The following DNAJB14 variants were observed in gnomAD, a reference collection of about 807,000 sequenced individuals.
DNAJB14 encodes the protein dnaJ homolog subfamily B member 14.
A neutral mutation model predicts 48.4 loss-of-function variants in DNAJB14; 22 were observed. The observed-to-expected ratio is 0.45, with a 90% CI of 0.32 to 0.65. DNAJB14 has a LOEUF of 0.65. Among genes scored for constraint, DNAJB14 ranks in the 30% least tolerant of loss-of-function variants. DNAJB14 has a pLI of 0.03. For synonymous variants in DNAJB14, 142 were observed against 158.7 expected (o/e 0.89, Z 0.79); for missense variants, 319 against 458.8 (o/e 0.70, Z 2.78).
At chr4:99,920,955 T>G (rs1318642626) in intron 3 of DNAJB14, among the ~76,000 whole-genome samples, 1 of 152,214 alleles carries the variant, frequency 6.6e-6, no homozygotes, top group Admixed American at 6.5e-5. Flanking sequence ...AATGGCTTAG[T>G]ATTCCAAAAA....
At chr4:99,923,004 C>T (rs1157899556) in intron 3 of DNAJB14, 36 bp downstream of exon 3, 20 of 1,562,662 alleles carry the variant, frequency 1.3e-5, no homozygotes, top group Non-Finnish European at 1.7e-5. Context: ...ATTCTAAAGA[C>T]AGCTTAGTAA....
rs922168036 is a variant in DNAJB14, at chr4:99,900,205, C to T, written c.*823G>A. ...TTTAGCAGCCCTTCAAGGACATATA[C>T]ATCAAAATTTGGTGGCCTTTAAAGT... On this transcript the variant is annotated 3_prime_UTR_variant, in exon 8 of 8. Coordinates refer to ENST00000442697, the MANE Select transcript of DNAJB14 (RefSeq NM_001031723.4). The T allele has an allele frequency of 6.6e-6, 1 of 152,272 alleles. No individual in the cohort carries two copies. The highest frequency in any genetic ancestry group is 2.1e-4 in the South Asian group (1 of 4,826). 9.4% of individuals were successfully genotyped at this position (152,272 alleles called of 1,614,324 possible). A position where few individuals can be genotyped will look rare whatever the true frequency, so the allele number is the denominator to read the frequency against.
intron 1 of DNAJB14, among the ~76,000 whole-genome samples, chr4:99,934,006 G>A (rs1373860774): frequency 6.6e-6 from 1 of 152,166 alleles, no homozygotes; most frequent in Non-Finnish European, 1.5e-5. Flanking sequence ...GTACACAAGT[G>A]CACGGGTCCA....
intron 1 of DNAJB14, among the ~76,000 whole-genome samples, chr4:99,936,388 C>T (rs766006292): frequency 6.6e-6 from 1 of 152,114 alleles, no homozygotes. Flanking sequence ...GTCACAGATA[C>T]TAAAATTAAT....
At chr4:99,938,330 A>G (rs1482346452) in intron 1 of DNAJB14, among the ~76,000 whole-genome samples, 1 of 148,542 alleles carries the variant, frequency 6.7e-6, no homozygotes, top group East Asian at 2.0e-4. Flanking sequence ...TAAATGCGAC[A>G]TGTGGACATG....
chr4:99,903,387 ATGACATAGTTTATC>A, intron 7 of DNAJB14, among the ~76,000 whole-genome samples: 1 of 152,094 alleles, frequency 6.6e-6, no homozygotes, highest in East Asian at 1.9e-4. Flanking sequence ...CTTAAAATTG[ATGACATAGTTTATC>A]TGCCAGGATA....
intron 2 of DNAJB14, chr4:99,929,695 C>T (rs563792983): frequency 7.2e-5 from 11 of 152,264 alleles, no homozygotes; most frequent in African/African-American, 2.2e-4. Flanking sequence ...CTAATTTTAA[C>T]TACTCTTCAC....
chr4:99,939,971 C>A (rs1181206339), intron 1 of DNAJB14, among the ~76,000 whole-genome samples: 1 of 152,120 alleles, frequency 6.6e-6, no homozygotes, highest in African/African-American at 2.4e-5. Context: ...AAAATTTTAT[C>A]CAATCTTATT....
intron 2 of DNAJB14, chr4:99,925,137 A>G: frequency 3.1e-6 from 1 of 317,474 alleles, no homozygotes; most frequent in Admixed American, 4.7e-5. Flanking sequence ...AAAATGGTAC[A>G]GTATTTACAT....
chr4:99,928,739 T>C (rs1278998432), intron 2 of DNAJB14: 2 of 180,446 alleles, frequency 1.1e-5, no homozygotes, highest in East Asian at 1.6e-4. Flanking sequence ...GGTGATTCTA[T>C]ATTCTTAAAT....
intron 3 of DNAJB14, among the ~76,000 whole-genome samples, chr4:99,909,141 T>A (rs982050690): frequency 6.6e-6 from 1 of 152,080 alleles, no homozygotes; most frequent in Non-Finnish European, 1.5e-5. Context: ...CTTCCTTTTT[T>A]AATATTGTGC....
chr4:99,934,410 C>A (rs998184213), intron 1 of DNAJB14, among the ~76,000 whole-genome samples: 1 of 152,056 alleles, frequency 6.6e-6, no homozygotes, highest in African/African-American at 2.4e-5. Flanking sequence ...GCTAACAAAA[C>A]AGATGAACAC....
chr4:99,939,005 A>G (rs1560749226), intron 1 of DNAJB14, among the ~76,000 whole-genome samples: 1 of 152,228 alleles, frequency 6.6e-6, no homozygotes. Flanking sequence ...GGCCAATAAA[A>G]AAAAAAACTT....
chr4:99,917,066 C>T (rs552114718), intron 3 of DNAJB14, among the ~76,000 whole-genome samples: 59 of 152,236 alleles, frequency 3.9e-4, no homozygotes, highest in Admixed American at 2.7e-3. Flanking sequence ...ACCTGGGAGG[C>T]GGAGGTTGCA....
In DNAJB14 at chr4:99,946,527, G is replaced by A. The variant is rs370308000; in HGVS notation, c.45C>T (p.Ala15=). ...GGTTGCCGGCGTTCAGGGCCTCCCG[G>A]GCGATCTCGACACATTTCTCAGCCT... ...RDEAEKCVEI[A]REALNAGNRE... is the part of the protein sequence containing the mutation. The change falls in exon 1 of 8, where the codon GCC becomes GCT. Residue 15 remains alanine, a synonymous_variant. Transcript: ENST00000442697. The A allele has an allele frequency of 5.0e-6, 8 of 1,613,782 alleles. No homozygotes were observed. The African/African-American group carries it at 8.0e-5, about 16-fold the overall frequency.
rs1337129572 is a variant in DNAJB14, at chr4:99,898,624, TAATA to T, written c.*2400_*2403del. 1 of 151,910 alleles carries T rather than the reference TAATA, an allele frequency of 6.6e-6. No homozygotes were observed. The allele number at this position is 151,910 out of a possible 1,614,324, so 9.4% of individuals were successfully genotyped here. A position where few individuals can be genotyped will look rare whatever the true frequency, so the allele number is the denominator to read the frequency against. On this transcript the variant is annotated 3_prime_UTR_variant, in exon 8 of 8. Transcript: ENST00000442697. The stretch of plus-strand genomic sequence containing the variant: ...AAAAAGGGGTAAAAATGTAAAGCAT[TAATA>T]AATATAAGTGCTGCTAAACTGTTAG...
intron 3 of DNAJB14, among the ~76,000 whole-genome samples, chr4:99,916,161 C>G (rs907424253): frequency 1.3e-5 from 2 of 152,112 alleles, no homozygotes; most frequent in Non-Finnish European, 2.9e-5. Context: ...GTTTTTGAAA[C>G]AAGGTCTCGC....
Position 99,914,675 on chromosome 4 carries a change from TAA to T in DNAJB14, c.452-5781_452-5780del, listed in dbSNP as rs940014421. On this transcript the variant is annotated intron_variant, in intron 3 of 7. Transcript: ENST00000442697. ...ATATATATAAAATAAAAAATAAAAA[TAA>T]AAATTAAAAAATTTCAATATACCCA... Among the ~76,000 whole-genome samples, 103 of 151,928 alleles carry T rather than the reference TAA, an allele frequency of 6.8e-4. 1 individual carries two copies. The highest frequency in any genetic ancestry group is 2.5e-3 in the African/African-American group (102 of 41,516).
chr4:99,900,971 AACTT>A lies in DNAJB14; in HGVS notation c.*53_*56del, dbSNP rs1255965261. Reference sequence around the variant, plus strand: ...TCCTTCATCCCTCATGATGAAACCAAACTTACTTACAGAAAAAATAAAGAGTACG... The same window carrying A: ...TCCTTCATCCCTCATGATGAAACCAAACTTACAGAAAAAATAAAGAGTACG... On this transcript the variant is annotated 3_prime_UTR_variant, in exon 8 of 8. Coordinates refer to ENST00000442697, the MANE Select transcript of DNAJB14 (RefSeq NM_001031723.4). The A allele has an allele frequency of 5.2e-6, 8 of 1,551,732 alleles. No homozygotes were observed. Among genetic ancestry groups the A allele is most frequent in the African/African-American group, 1.4e-5 (1 of 71,420 alleles).
Sources: gnomAD v4.1 joint callset for allele counts (sites outside exome capture counted in the v4.1 genomes callset) on GRCh38, gnomAD v4.1.1 for gene constraint, MANE v1.5 for transcripts, NCBI Gene and HGNC (gene_info 2026-07-23, HGNC 2026-07-21) for gene names.